The following MTHFS variants were observed in gnomAD, a reference collection of about 807,000 sequenced individuals.
The protein encoded by MTHFS is methenyltetrahydrofolate synthetase.
Under a neutral mutation model 12.7 loss-of-function variants are expected in MTHFS, and 7 were observed. That is an observed-to-expected ratio of 0.55 (90% CI 0.31 to 1.03). The LOEUF is 1.03. Ranked by LOEUF, MTHFS falls within the 50% of genes least tolerant of loss-of-function variation. The pLI is 0.05. For missense variants in MTHFS, 252 were observed against 258.1 expected (o/e 0.98, Z 0.16); for synonymous variants, 100 against 97.1 (o/e 1.03, Z -0.18).
At chr15:79,875,073 T>G (rs1337160164) in intron 2 of MTHFS, among the ~76,000 whole-genome samples, 1 of 152,114 alleles carries the variant, frequency 6.6e-6, no homozygotes, top group Non-Finnish European at 1.5e-5. Flanking sequence ...ACAAGAGTAT[T>G]GATTGGGGAA....
At chr15:79,868,893 T>A (rs1211507896) in intron 2 of MTHFS, among the ~76,000 whole-genome samples, 1 of 152,198 alleles carries the variant, frequency 6.6e-6, no homozygotes, top group Non-Finnish European at 1.5e-5. Context: ...TAAATATAGA[T>A]GTACACGCAC....
intron 2 of MTHFS, among the ~76,000 whole-genome samples, chr15:79,864,988 G>A (rs1012374448): frequency 1.3e-5 from 2 of 152,112 alleles, no homozygotes; most frequent in South Asian, 2.1e-4. Flanking sequence ...AAAAATAAAC[G>A]TTCACTCCAG....
chr15:79,891,757 C>T (rs1221409550), intron 1 of MTHFS, among the ~76,000 whole-genome samples: 1 of 151,994 alleles, frequency 6.6e-6, no homozygotes, highest in Non-Finnish European at 1.5e-5. Flanking sequence ...CATCTGAGGT[C>T]AGGAGTTCGA....
chr15:79,897,097 G>A (rs1392720812), upstream of MTHFS: 33 of 1,131,008 alleles, frequency 2.9e-5, no homozygotes, highest in East Asian at 4.6e-4. Context: ...GGGCGGGTCG[G>A]GGCTCGGGGA....
At chr15:79,871,976 C>T (rs762800188) in intron 2 of MTHFS, among the ~76,000 whole-genome samples, 18 of 151,344 alleles carry the variant, frequency 1.2e-4, no homozygotes, top group Non-Finnish European at 2.4e-4. Context: ...ATGGTGGTGG[C>T]CACCTGTAAT....
intron 2 of MTHFS, among the ~76,000 whole-genome samples, chr15:79,858,894 C>T (rs1447992498): frequency 6.6e-6 from 1 of 152,156 alleles, no homozygotes; most frequent in Non-Finnish European, 1.5e-5. Context: ...AAATTTGGGC[C>T]TATGCTCCTA....
At chr15:79,855,763 C>T (rs1023693343) in intron 2 of MTHFS, among the ~76,000 whole-genome samples, 4 of 152,242 alleles carry the variant, frequency 2.6e-5, no homozygotes, top group Admixed American at 2.0e-4. Flanking sequence ...TGAGAACACG[C>T]AGTATTTGGT....
chr15:79,852,373 T>G (rs560459891), intron 2 of MTHFS, among the ~76,000 whole-genome samples: 15 of 152,192 alleles, frequency 9.9e-5, no homozygotes, highest in African/African-American at 3.4e-4. Context: ...ATACAAAAAT[T>G]GGGTTTTTAA....
chr15:79,888,862 C>T (rs1327843541), intron 2 of MTHFS, among the ~76,000 whole-genome samples: 5 of 152,208 alleles, frequency 3.3e-5, no homozygotes, highest in Non-Finnish European at 2.9e-5. Context: ...ATTCAACCCA[C>T]AAGGTAGGGC....
Position 79,885,597 on chromosome 15 carries a change from G to A in MTHFS, c.379+3496C>T, listed in dbSNP as rs184894858. ...CTTTTCTTCCTGGTCACAAAGAATGGGTCAGGGACAGGCACGTAAGACCCA... is the reference window on the plus strand; with the variant it reads ...CTTTTCTTCCTGGTCACAAAGAATGAGTCAGGGACAGGCACGTAAGACCCA... On this transcript the variant is annotated intron_variant, in intron 2 of 2. Transcript: ENST00000258874. 2.0e-5 allele frequency among the ~76,000 whole-genome samples: 3 copies of A among 152,336 alleles called. No homozygotes were observed. The East Asian group carries it at 5.8e-4, about 29-fold the overall frequency.
intron 2 of MTHFS, among the ~76,000 whole-genome samples, chr15:79,856,441 G>A (rs778699350): frequency 9.2e-5 from 14 of 152,166 alleles, no homozygotes; most frequent in Non-Finnish European, 1.3e-4. Context: ...TAGTGACTCT[G>A]AGAATTTAAG....
chr15:79,896,724 G>T (rs1336879849), intron 1 of MTHFS, 148 bp downstream of exon 1: 4 of 909,886 alleles, frequency 4.4e-6, no homozygotes, highest in Non-Finnish European at 5.6e-6. Flanking sequence ...GGGCGTGCGC[G>T]CGCCGGGAGG....
At chr15:79,873,810 T>C (rs777983406) in intron 2 of MTHFS, among the ~76,000 whole-genome samples, 22 of 152,206 alleles carry the variant, frequency 1.4e-4, no homozygotes, top group Non-Finnish European at 2.4e-4. Flanking sequence ...AACATAGGAA[T>C]ATTACAGGAA....
At chr15:79,845,745 T>C (rs1474662126) in intron 2 of MTHFS, among the ~76,000 whole-genome samples, 2 of 152,144 alleles carry the variant, frequency 1.3e-5, no homozygotes, top group Non-Finnish European at 2.9e-5. Flanking sequence ...GGGCCCTCTT[T>C]TTTCTAGCAT....
chr15:79,888,848 T>C (rs1437458424), intron 2 of MTHFS, among the ~76,000 whole-genome samples: 1 of 152,188 alleles, frequency 6.6e-6, no homozygotes, highest in Non-Finnish European at 1.5e-5. Flanking sequence ...AGGAAAAATA[T>C]ATAATTCAAC....
intron 2 of MTHFS, 91 bp downstream of exon 2, chr15:79,889,002 A>G: frequency 6.6e-7 from 1 of 1,517,332 alleles, no homozygotes; most frequent in African/African-American, 1.4e-5. Flanking sequence ...CTTACAGGAA[A>G]AGCAACTCCC....
intron 2 of MTHFS, among the ~76,000 whole-genome samples, chr15:79,861,945 G>C (rs1655044772): frequency 6.6e-6 from 1 of 152,154 alleles, no homozygotes; most frequent in African/African-American, 2.4e-5. Context: ...GAACAGGCTG[G>C]GAAGAAGAGG....
intron 2 of MTHFS, among the ~76,000 whole-genome samples, chr15:79,874,482 T>G (rs1277182025): frequency 6.6e-6 from 1 of 152,170 alleles, no homozygotes; most frequent in African/African-American, 2.4e-5. Flanking sequence ...TTAATTTGTC[T>G]GGCAGTTCCC....
At chr15:79,889,747 C>T (rs1045038704) in intron 1 of MTHFS, among the ~76,000 whole-genome samples, 2 of 152,160 alleles carry the variant, frequency 1.3e-5, no homozygotes, top group Admixed American at 6.6e-5. Flanking sequence ...ATCTTGGCTC[C>T]CACAAGCTTC....
Sources: gnomAD v4.1 joint callset for allele counts (sites outside exome capture counted in the v4.1 genomes callset) on GRCh38, gnomAD v4.1.1 for gene constraint, MANE v1.5 for transcripts, NCBI Gene and HGNC (gene_info 2026-07-23, HGNC 2026-07-21) for gene names.